Variants in MED14 observed in about 807,000 individuals in gnomAD.
The protein encoded by MED14 is mediator complex subunit 14, also known as mediator of RNA polymerase II transcription subunit 14.
A neutral mutation model predicts 109.0 loss-of-function variants in MED14; 8 were observed. The ratio of observed to expected loss-of-function variants is 0.07; its 90% CI spans 0.04 to 0.13. The LOEUF (loss-of-function observed/expected upper bound fraction) is 0.13, where lower values mean the gene tolerates loss of function less well. Among genes scored for constraint, MED14 ranks in the 10% least tolerant of loss-of-function variants. MED14 has a pLI of 1.00. For synonymous variants in MED14, 399 were observed against 408.7 expected, an observed-to-expected ratio of 0.98 and a Z score of 0.29; for missense variants, 711 against 1,142.4, an observed-to-expected ratio of 0.62 and a Z score of 5.44.
In MED14 at chrX:40,727,965, G is replaced by A. The variant is rs1156456502; in HGVS notation, c.243-1114C>T. ...TAAAAATCGGCCAGCAATATGATTA[G>A]TGGTACTATAAAGAGAAGAATCAAG... On this transcript the variant is annotated intron_variant, in intron 2 of 30. Transcript: ENST00000324817. Among the ~76,000 whole-genome samples the A allele has an allele frequency of 2.7e-5, 3 of 112,204 alleles. No individual in the cohort carries two copies. The East Asian group carries it at 8.3e-4, about 31-fold the overall frequency.
Position 40,679,793 on chromosome X carries a change from T to C in MED14, c.2880+71A>G. On this transcript the variant is annotated intron_variant, in intron 21 of 30. Coordinates refer to ENST00000324817, the MANE Select transcript of MED14 (RefSeq NM_004229.4). ...GGAATTTGTTGCTTTTCCCCATTAT[T>C]TCCCCCTCAAAGAAACTATTTTAGA... The C allele has an allele frequency of 5.7e-6, 6 of 1,044,790 alleles. No individual in the cohort carries two copies. In the South Asian group the frequency reaches 8.8e-5, roughly 15 times the overall value. 86.1% of individuals were successfully genotyped at this position (1,044,790 alleles called of 1,213,427 possible).
chrX:40,683,502 A>G (rs138601180), intron 16 of MED14, among the ~76,000 whole-genome samples: 1,599 of 112,233 alleles, frequency 0.014, 39 homozygotes, highest in African/African-American at 0.049. Context: ...GAAGAAAATG[A>G]AAGTGCTTAT....
At chrX:40,704,376 A>G (rs1245279716) in intron 10 of MED14, among the ~76,000 whole-genome samples, 2 of 112,021 alleles carry the variant, frequency 1.8e-5, no homozygotes, top group African/African-American at 6.5e-5. Flanking sequence ...TACAGCACAG[A>G]AAAAAAAGGC....
At chrX:40,731,967 C>T (rs1932093302) in intron 1 of MED14, among the ~76,000 whole-genome samples, 1 of 112,348 alleles carries the variant, frequency 8.9e-6, no homozygotes, top group African/African-American at 3.2e-5. Context: ...AAATCTCTGT[C>T]CTCATGGGGT....
chrX:40,726,466 T>C (rs1931897576), intron 3 of MED14: 1 of 179,188 alleles, frequency 5.6e-6, no homozygotes, highest in Non-Finnish European at 1.0e-5. Flanking sequence ...TTCTAAGGAA[T>C]AGCACGAATA....
In MED14 at chrX:40,735,532, C is replaced by T. The variant is rs1243521379; in HGVS notation, c.-120G>A. 1.4e-6 allele frequency: 1 copy of T among 711,560 alleles called. No individual in the cohort carries two copies. The highest frequency in any genetic ancestry group is 2.1e-6 in the Non-Finnish European group (1 of 469,457). 58.6% of individuals were successfully genotyped at this position (711,560 alleles called of 1,213,427 possible). ...GTCGCCACCGCCTACCGCCGGGCCG[C>T]CTCAGAACAGGAAGCCGTGCGCCGA... On this transcript the variant is annotated 5_prime_UTR_variant, in exon 1 of 31. Coordinates refer to ENST00000324817, the MANE Select transcript of MED14 (RefSeq NM_004229.4).
intron 16 of MED14, 107 bp from the exon 17 acceptor site, chrX:40,683,103 T>C (rs1930180364): frequency 8.0e-6 from 5 of 622,629 alleles, no homozygotes; most frequent in African/African-American, 6.6e-5. Flanking sequence ...ACTCCACTTC[T>C]AGATACCTTC....
Position 40,651,622 on chromosome X carries a change from A to G in MED14, c.*184T>C. 9.7e-7 allele frequency: 1 copy of G among 1,035,160 alleles called. No individual in the cohort carries two copies. The highest frequency in any genetic ancestry group is 1.2e-6 in the Non-Finnish European group (1 of 809,738). The allele number at this position is 1,035,160 out of a possible 1,213,427, so 85.3% of individuals were successfully genotyped here. On this transcript the variant is annotated 3_prime_UTR_variant, in exon 31 of 31. Transcript: ENST00000324817. Reference sequence around the variant, plus strand: ...CCATTTAAACACACTATACAAGTTCATTATACAAAAGATGGATGATCATTT... The same window carrying G: ...CCATTTAAACACACTATACAAGTTCGTTATACAAAAGATGGATGATCATTT...
intron 3 of MED14, among the ~76,000 whole-genome samples, chrX:40,725,976 A>G (rs1294409753): frequency 2.7e-5 from 3 of 112,493 alleles, no homozygotes; most frequent in Non-Finnish European, 5.6e-5. Context: ...TAAATTCAGT[A>G]AAGTTGCAGA....
chrX:40,735,619 C>A (rs759187367), upstream of MED14: 11 of 495,389 alleles, frequency 2.2e-5, no homozygotes, highest in Non-Finnish European at 3.6e-5. Context: ...GAGCGAGGGG[C>A]GGGGGGAGGC....
At chrX:40,688,914 C>T (rs1003876356) in intron 15 of MED14, among the ~76,000 whole-genome samples, 4 of 112,269 alleles carry the variant, frequency 3.6e-5, no homozygotes, top group African/African-American at 1.3e-4. Flanking sequence ...GAGTCACTGT[C>T]ATAGCTTATT....
Position 40,657,976 on chromosome X carries a change from T to C in MED14, c.3972+1251A>G, listed in dbSNP as rs138399584. Among the ~76,000 whole-genome samples the C allele has an allele frequency of 4.0e-3, 438 of 110,001 alleles. 5 individuals carry two copies. The highest frequency in any genetic ancestry group is 0.014 in the African/African-American group (419 of 30,190). ...CTGGCTAATTTTTTTGTATTTTTAG[T>C]AGAGACGAGGTTTCACCATGTTGCC... On this transcript the variant is annotated intron_variant, in intron 28 of 30. Transcript: ENST00000324817.
intron 3 of MED14, among the ~76,000 whole-genome samples, chrX:40,723,875 ACT>A (rs985233964): frequency 6.4e-5 from 7 of 109,863 alleles, no homozygotes; most frequent in African/African-American, 2.3e-4. Flanking sequence ...AATGAACAAA[ACT>A]CTCTAATAAA....
chrX:40,676,840 G>GGCCT (rs1929924297), intron 21 of MED14, among the ~76,000 whole-genome samples: 2 of 111,930 alleles, frequency 1.8e-5, no homozygotes, highest in African/African-American at 6.5e-5. Flanking sequence ...AATTTCCTGA[G>GGCCT]GCCTCCTAGC....
intron 7 of MED14, 111 bp downstream of exon 7, chrX:40,712,075 T>C (rs759446911): frequency 1.6e-5 from 8 of 490,442 alleles, no homozygotes; most frequent in Admixed American, 3.6e-5. Context: ...GTGGGGGAGA[T>C]GGGGGCAAGG....
chrX:40,702,235 C>A (rs940185241), intron 11 of MED14, among the ~76,000 whole-genome samples: 24 of 111,909 alleles, frequency 2.1e-4, no homozygotes, highest in Non-Finnish European at 3.8e-5. Context: ...GACAAGCATA[C>A]ATCCCTAAAA....
chrX:40,703,668 T>A (rs779777918), intron 10 of MED14, 99 bp from the exon 11 acceptor site: 33 of 682,196 alleles, frequency 4.8e-5, no homozygotes, highest in Non-Finnish European at 6.8e-5. Flanking sequence ...TATTGAAGGA[T>A]CCTAAATGTT....
chrX:40,666,371 C>A, intron 24 of MED14, among the ~76,000 whole-genome samples: 1 of 102,800 alleles, frequency 9.7e-6, no homozygotes, highest in Admixed American at 1.1e-4. Flanking sequence ...GTTAGGGTAC[C>A]CATTGTTGGG....
chrX:40,664,184 T>C, intron 25 of MED14, 123 bp downstream of exon 25: 2 of 607,005 alleles, frequency 3.3e-6, no homozygotes, highest in Non-Finnish European at 4.9e-6. Flanking sequence ...CTGCATCCTT[T>C]GTAATATCCT....
Sources: allele counts gnomAD v4.1 joint callset (sites outside exome capture counted in the v4.1 genomes callset), GRCh38; gene constraint gnomAD v4.1.1; transcripts MANE v1.5; gene names NCBI Gene and HGNC (gene_info 2026-07-23, HGNC 2026-07-21).